Variants in PDE10A observed in about 807,000 individuals in gnomAD.
PDE10A encodes phosphodiesterase 10A.
In PDE10A, 39 loss-of-function variants were observed where a neutral mutation model predicts 97.7. The observed-to-expected ratio is 0.40, with a 90% CI of 0.31 to 0.52. The LOEUF is 0.52. Ranked by LOEUF, PDE10A falls within the 20% of genes least tolerant of loss-of-function variation. The pLI, the probability that PDE10A is intolerant of heterozygous loss-of-function variation, is 0.56. For missense variants in PDE10A, 731 were observed against 1,047.8 expected (o/e 0.70, Z 4.17); for synonymous variants, 371 against 376.8 (o/e 0.98, Z 0.18).
chr6:165,441,372 T>C (rs556642474), intron 5 of PDE10A, among the ~76,000 whole-genome samples: 15 of 152,344 alleles, frequency 9.8e-5, no homozygotes, highest in Non-Finnish European at 1.8e-4. Flanking sequence ...ATTTTGTTTT[T>C]GTATGCTCAG....
At chr6:165,975,978 C>T (rs1784834237) in intron 1 of PDE10A, among the ~76,000 whole-genome samples, 1 of 152,044 alleles carries the variant, frequency 6.6e-6, no homozygotes, top group Admixed American at 6.5e-5. Context: ...GTATTTTAGA[C>T]AATCAAATAA....
intron 5 of PDE10A, among the ~76,000 whole-genome samples, chr6:165,438,163 C>T (rs951390654): frequency 2.6e-5 from 4 of 152,076 alleles, no homozygotes; most frequent in African/African-American, 9.7e-5. Context: ...ACACTTCATC[C>T]TCAAAGACGC....
intron 1 of PDE10A, among the ~76,000 whole-genome samples, chr6:165,926,390 T>C (rs1782935871): frequency 6.6e-6 from 1 of 152,216 alleles, no homozygotes; most frequent in Non-Finnish European, 1.5e-5. Flanking sequence ...TTGAGAAACC[T>C]CTCCTATTTT....
chr6:165,451,111 C>T (rs1328593410), intron 3 of PDE10A, among the ~76,000 whole-genome samples: 1 of 152,150 alleles, frequency 6.6e-6, no homozygotes, highest in Admixed American at 6.5e-5. Context: ...TCCTTTCCAT[C>T]TATATGGCTC....
At chr6:165,676,645 G>C (rs991457533) in intron 1 of PDE10A, among the ~76,000 whole-genome samples, 6 of 152,196 alleles carry the variant, frequency 3.9e-5, no homozygotes, top group Admixed American at 1.3e-4. Context: ...ACTAGGAGGT[G>C]GGGGGTGACC....
intron 1 of PDE10A, among the ~76,000 whole-genome samples, chr6:165,793,148 T>C (rs1778703153): frequency 6.6e-6 from 1 of 152,182 alleles, no homozygotes; most frequent in Admixed American, 6.5e-5. Flanking sequence ...AACTGGGCTT[T>C]ATGTGGAAGT....
At chr6:165,638,692 AAAGTT>A (rs1583693059) in intron 1 of PDE10A, among the ~76,000 whole-genome samples, 3 of 152,244 alleles carry the variant, frequency 2.0e-5, no homozygotes, top group African/African-American at 7.2e-5. Flanking sequence ...AAAACTGGTA[AAAGTT>A]AAGTTCGTCA....
intron 1 of PDE10A, among the ~76,000 whole-genome samples, chr6:165,878,392 C>G (rs1781398874): frequency 6.6e-6 from 1 of 152,166 alleles, no homozygotes; most frequent in Admixed American, 6.5e-5. Context: ...TTTAACACTG[C>G]TACTTATAGG....
chr6:165,491,864 G>T (rs1354450850), intron 2 of PDE10A, among the ~76,000 whole-genome samples: 1 of 151,570 alleles, frequency 6.6e-6, no homozygotes, highest in Non-Finnish European at 1.5e-5. Flanking sequence ...CAAGATCAGA[G>T]CAGAACTAAA....
chr6:165,371,141 T>C (rs1438503539), intron 18 of PDE10A, among the ~76,000 whole-genome samples: 7 of 151,050 alleles, frequency 4.6e-5, no homozygotes, highest in Non-Finnish European at 1.0e-4. Flanking sequence ...AGATCCAAAA[T>C]TGACACCCTA....
rs778000324 is a variant in PDE10A at position 165,402,092 on chromosome 6, C to T, written c.2077-5633G>A. On this transcript the variant is annotated intron_variant, in intron 13 of 21. Transcript: ENST00000539869. ...AGTCACTAATTCTATTGAGCACTTG[C>T]GCCAGGAAGTATGCTAAGTGTTTTG... 8.5e-5 allele frequency among the ~76,000 whole-genome samples: 13 copies of T among 152,196 alleles called. No individual in the cohort carries two copies. The South Asian group carries it at 2.7e-3, about 32-fold the overall frequency.
chr6:165,739,491 A>G (rs1321238091), intron 1 of PDE10A, among the ~76,000 whole-genome samples: 2 of 152,218 alleles, frequency 1.3e-5, no homozygotes, highest in African/African-American at 2.4e-5. Flanking sequence ...AATCAACTCA[A>G]GCTAGAGGAA....
intron 1 of PDE10A, among the ~76,000 whole-genome samples, chr6:165,931,227 T>TGA (rs1284944020): frequency 3.3e-5 from 5 of 152,250 alleles, no homozygotes; most frequent in Non-Finnish European, 5.9e-5. Flanking sequence ...CTGGCACTCA[T>TGA]GAGCACCTTG....
intron 1 of PDE10A, chr6:165,774,831 C>CTTTTTTTTTTTTTTTTTTTTTTTTTTTT (rs5881660): frequency 9.3e-6 from 1 of 107,886 alleles, no homozygotes; most frequent in African/African-American, 3.4e-5. Flanking sequence ...ACTTTTTTTT[C>CTTTTTTTTTTTTTTTTTTTTTTTTTTTT]TTTTTTTTTT....
chr6:165,345,929 G>T (rs553326560), intron 18 of PDE10A, among the ~76,000 whole-genome samples: 1 of 152,130 alleles, frequency 6.6e-6, no homozygotes, highest in Non-Finnish European at 1.5e-5. Flanking sequence ...TGGGAGGAAG[G>T]TCCAGCAGAG....
intron 2 of PDE10A, among the ~76,000 whole-genome samples, chr6:165,529,887 T>G (rs2128313902): frequency 6.6e-6 from 1 of 152,154 alleles, no homozygotes; most frequent in East Asian, 1.9e-4. Flanking sequence ...CTTGTGATGG[T>G]TTATACTGAG....
intron 18 of PDE10A, among the ~76,000 whole-genome samples, chr6:165,372,550 G>C (rs780022779): frequency 6.8e-6 from 1 of 147,126 alleles, no homozygotes; most frequent in East Asian, 2.0e-4. Flanking sequence ...CAAGGAGAAC[G>C]ACAAACCACT....
chr6:165,799,781 T>C (rs1358212345), intron 1 of PDE10A, among the ~76,000 whole-genome samples: 1 of 152,192 alleles, frequency 6.6e-6, no homozygotes, highest in Non-Finnish European at 1.5e-5. Flanking sequence ...TTTGCAGATA[T>C]TATCATTCTT....
chr6:165,459,068 T>C (rs1041950621), intron 3 of PDE10A, among the ~76,000 whole-genome samples: 1 of 152,188 alleles, frequency 6.6e-6, no homozygotes, highest in African/African-American at 2.4e-5. Context: ...CCAATTTTGA[T>C]TTGTCTGATG....
Sources: allele counts gnomAD v4.1 joint callset (sites outside exome capture counted in the v4.1 genomes callset), GRCh38; gene constraint gnomAD v4.1.1; transcripts MANE v1.5; gene names NCBI Gene and HGNC (gene_info 2026-07-23, HGNC 2026-07-21).